KANK1: variants seen among roughly 807,000 people sequenced by gnomAD.
KANK1 encodes the protein KN motif and ankyrin repeat domains 1, also known as KN motif and ankyrin repeat domain-containing protein 1.
KANK1 carries 109 observed loss-of-function variants against 106.2 expected under a neutral mutation model. The observed-to-expected ratio is 1.03, with a 90% CI of 0.88 to 1.20. KANK1 has a LOEUF of 1.20. Among genes scored for constraint, KANK1 ranks in the 50% most tolerant of loss-of-function variants. KANK1 has a pLI of 0.00. For missense variants in KANK1, 2,399 were observed against 1,710.7 expected (o/e 1.40, Z -7.10); for synonymous variants, 873 against 652.2 (o/e 1.34, Z -5.16).
intron 1 of KANK1, among the ~76,000 whole-genome samples, chr9:612,405 C>T (rs191736896): frequency 4.6e-5 from 7 of 152,228 alleles, no homozygotes; most frequent in African/African-American, 1.2e-4. Flanking sequence ...TATGTAGGCC[C>T]GGTTTCTTAG....
chr9:734,878 G>A, intron 7 of KANK1, 43 bp downstream of exon 7: 1 of 1,411,942 alleles, frequency 7.1e-7, no homozygotes, highest in Non-Finnish European at 1.0e-6. Context: ...TGTACAAAGT[G>A]CATGAGTGGG....
At chr9:575,189 T>C (rs16920060) in intron 1 of KANK1, among the ~76,000 whole-genome samples, 7,808 of 152,312 alleles carry the variant, frequency 0.051, 664 homozygotes, top group African/African-American at 0.18. Flanking sequence ...TGATACTTGG[T>C]AATGTCCTTA....
At chr9:626,414 G>A (rs1834356685) in intron 1 of KANK1, among the ~76,000 whole-genome samples, 1 of 152,036 alleles carries the variant, frequency 6.6e-6, no homozygotes, top group Non-Finnish European at 1.5e-5. Flanking sequence ...GGGTGACAGA[G>A]CGAGACTCCA....
chr9:616,594 T>G (rs1399074152), intron 1 of KANK1, among the ~76,000 whole-genome samples: 8 of 152,238 alleles, frequency 5.3e-5, no homozygotes. Flanking sequence ...CCATCCAGGC[T>G]TGGCTTTACT....
intron 1 of KANK1, among the ~76,000 whole-genome samples, chr9:644,173 G>A (rs564309642): frequency 1.4e-4 from 21 of 150,936 alleles, no homozygotes; most frequent in Non-Finnish European, 2.9e-4. Flanking sequence ...CTATAACAGA[G>A]GAAGCAGAAG....
Position 731,159 on chromosome 9 carries a change from A to T in KANK1, c.2898A>T (p.Ala966=), listed in dbSNP as rs760648756. Residue 966 remains alanine, a splice_region_variant and synonymous_variant, in exon 5 of 12, where the codon GCA becomes GCT. Transcript: ENST00000382297. Reference sequence around the variant, plus strand: ...TTTATTGCCTTGACTTTTTCACAGCATGTACAAACAATGAAAGTACACTGA... The same window carrying T: ...TTTATTGCCTTGACTTTTTCACAGCTTGTACAAACAATGAAAGTACACTGA... The part of the protein sequence containing the change: ...TDDQIAAGLY[A]CTNNESTLKS... The T allele has an allele frequency of 4.4e-6, 7 of 1,581,762 alleles. No homozygotes were observed. Among genetic ancestry groups the T allele is most frequent in the Non-Finnish European group, 6.1e-6 (7 of 1,152,314 alleles).
chr9:532,172 GA>G (rs1308943352), intron 1 of KANK1, among the ~76,000 whole-genome samples: 1 of 151,620 alleles, frequency 6.6e-6, no homozygotes, highest in East Asian at 2.0e-4. Context: ...ACGGTGAACA[GA>G]GATTTAAAAG....
chr9:620,717 T>A (rs908625563), intron 1 of KANK1, among the ~76,000 whole-genome samples: 5 of 152,182 alleles, frequency 3.3e-5, no homozygotes, highest in African/African-American at 7.2e-5. Flanking sequence ...AAAAAATTTT[T>A]AAAAACCAAC....
At chr9:479,390 C>A (rs1242611143) in intron 3 of KANK1, among the ~76,000 whole-genome samples, 3 of 152,198 alleles carry the variant, frequency 2.0e-5, no homozygotes, top group Non-Finnish European at 4.4e-5. Flanking sequence ...GGGACGGGGG[C>A]TTGAAGTCAC....
chr9:602,125 A>G (rs1220771292), intron 1 of KANK1, among the ~76,000 whole-genome samples: 3 of 151,992 alleles, frequency 2.0e-5, no homozygotes, highest in Non-Finnish European at 4.4e-5. Context: ...TATCAATGGA[A>G]TAGATTAACT....
chr9:599,345 A>G (rs1278333561), intron 1 of KANK1, among the ~76,000 whole-genome samples: 1 of 151,894 alleles, frequency 6.6e-6, no homozygotes, highest in East Asian at 1.9e-4. Flanking sequence ...TTTTTAAAAA[A>G]TAATCTCTAG....
intron 1 of KANK1, among the ~76,000 whole-genome samples, chr9:571,143 T>A (rs1337455468): frequency 6.6e-6 from 1 of 152,216 alleles, no homozygotes; most frequent in Non-Finnish European, 1.5e-5. Context: ...CCTTGATGGT[T>A]CCAGCACTCC....
chr9:699,438 G>A (rs921759802), intron 2 of KANK1, among the ~76,000 whole-genome samples: 5 of 152,214 alleles, frequency 3.3e-5, no homozygotes, highest in Non-Finnish European at 7.3e-5. Flanking sequence ...TGTGGAAGAT[G>A]GAGCTGGTAT....
At chr9:514,151 T>TCTCCCTCC (rs2059163035) in intron 1 of KANK1, among the ~76,000 whole-genome samples, 1 of 28,320 alleles carries the variant, frequency 3.5e-5, no homozygotes, top group African/African-American at 2.6e-4. Flanking sequence ...TCCCTTCCTC[T>TCTCCCTCC]CTCCCTCCCT....
intron 1 of KANK1, among the ~76,000 whole-genome samples, chr9:584,680 A>C (rs2135395527): frequency 6.6e-6 from 1 of 152,310 alleles, no homozygotes; most frequent in Non-Finnish European, 1.5e-5. Flanking sequence ...AGGGAACCAA[A>C]ACCAGGCATG....
rs532261032 is a variant in KANK1 at position 596,710 on chromosome 9, A to AT, written c.-83-80172dup. On this transcript the variant is annotated intron_variant, in intron 1 of 11. Transcript: ENST00000382297. ...ATTGGTGTTTTGGTCTTCCCTATAC[A>AT]TTTTTTTTAACTTTTATTTATTTTT... 1.2e-4 allele frequency among the ~76,000 whole-genome samples: 18 copies of AT among 151,606 alleles called. No individual in the cohort carries two copies. In the East Asian group the frequency reaches 1.9e-3, roughly 16 times the overall value.
In KANK1 at chr9:713,112, G is replaced by T. The variant is rs1826656460; in HGVS notation, c.2346G>T (p.Gly782=). The change falls in exon 3 of 12, where the codon GGG becomes GGT. Residue 782 remains glycine, a synonymous_variant. Coordinates refer to ENST00000382297, the MANE Select transcript of KANK1 (RefSeq NM_015158.5). ...VGLKMRTIAC[G]PPQLTVGLTA... ...TCAAAATGAGGACTATAGCTTGTGG[G>T]CCACCACAGTTGACTGTGGGGCTGA... 6.2e-7 allele frequency: 1 copy of T among 1,607,476 alleles called. No homozygotes were observed. Among genetic ancestry groups the T allele is most frequent in the East Asian group, 2.2e-5 (1 of 44,798 alleles).
At chr9:649,343 A>G (rs1369444889) in intron 1 of KANK1, among the ~76,000 whole-genome samples, 1 of 152,122 alleles carries the variant, frequency 6.6e-6, no homozygotes, top group Non-Finnish European at 1.5e-5. Context: ...AACACCCTCG[A>G]AAGCGTCCCA....
At chr9:507,643 G>A (rs1210901027) in intron 1 of KANK1, among the ~76,000 whole-genome samples, 4 of 148,574 alleles carry the variant, frequency 2.7e-5, no homozygotes, top group Non-Finnish European at 4.4e-5. Context: ...TGCAACCTCC[G>A]CCTCCTGGGT....
Sources: gnomAD v4.1 joint callset for allele counts (sites outside exome capture counted in the v4.1 genomes callset) on GRCh38, gnomAD v4.1.1 for gene constraint, MANE v1.5 for transcripts, NCBI Gene and HGNC (gene_info 2026-07-23, HGNC 2026-07-21) for gene names.